CS: variants seen among roughly 807,000 people sequenced by gnomAD.
The protein encoded by CS is citrate synthase.
In CS, 13 loss-of-function variants were observed where a neutral mutation model predicts 61.4. That is an observed-to-expected ratio of 0.21 (90% CI 0.14 to 0.34). CS has a LOEUF of 0.34. CS is among the 10% of genes least tolerant of loss of function. CS has a pLI of 1.00. For missense variants in CS, 278 were observed against 573.4 expected (o/e 0.48, Z 5.26); for synonymous variants, 159 against 215.2 (o/e 0.74, Z 2.29).
rs1312661441 is a variant in CS at position 56,273,443 on chromosome 12, C to A, written c.1230+144G>T. On this transcript the variant is annotated intron_variant, in intron 10 of 10. Transcript: ENST00000351328. ...ATTCTGAAAACAGAGCAACCCCAACCCCCAACCCTCTCATAGTCAACTTTA... is the reference window on the plus strand; with the variant it reads ...ATTCTGAAAACAGAGCAACCCCAACACCCAACCCTCTCATAGTCAACTTTA... 9 of 1,001,370 alleles carry A rather than the reference C, an allele frequency of 9.0e-6. No homozygotes were observed. The East Asian group carries it at 2.1e-4, about 23-fold the overall frequency. The allele number at this position is 1,001,370 out of a possible 1,614,324, so 62.0% of individuals were successfully genotyped here.
At position 56,295,951 on chromosome 12, in the gene CS, CAAAAAAAAAAAAAAAA is replaced by C. The variant is rs71081343; in HGVS notation, c.42+4193_42+4208del. ...CCTAGGCGACAGAGCGAAACTGTCT[CAAAAAAAAAAAAAAAA>C]AAAAAAAAAAAAAAGAAGTTCTTAC... is the stretch of plus-strand genomic sequence containing the variant. On this transcript the variant is annotated intron_variant, in intron 1 of 10. Coordinates refer to ENST00000351328, the MANE Select transcript of CS (RefSeq NM_004077.3). Among the ~76,000 whole-genome samples, 34 of 40,518 alleles carry C rather than the reference CAAAAAAAAAAAAAAAA, an allele frequency of 8.4e-4. 1 individual carries two copies. The highest frequency in any genetic ancestry group is 3.3e-3 in the Admixed American group (7 of 2,132). 26.6% of individuals were successfully genotyped at this position (40,518 alleles called of 152,430 possible).
At position 56,272,061 on chromosome 12, in the gene CS, C is replaced by A; in HGVS notation, c.*1023G>T. The A allele has an allele frequency of 2.7e-6, 1 of 373,644 alleles. No homozygotes were observed. Among genetic ancestry groups the A allele is most frequent in the Middle Eastern group, 4.4e-4 (1 of 2,290 alleles). 23.1% of individuals were successfully genotyped at this position (373,644 alleles called of 1,614,324 possible). A position where few individuals can be genotyped will look rare whatever the true frequency, so the allele number is the denominator to read the frequency against. ...GGAGGGAGGCTTACTATTTTTAATG[C>A]CCTCAGCCCCAGTACCTGATAATCA... On this transcript the variant is annotated 3_prime_UTR_variant, in exon 11 of 11. Coordinates refer to ENST00000351328, the MANE Select transcript of CS (RefSeq NM_004077.3).
At chr12:56,289,591 C>T (rs530596413) in intron 1 of CS, among the ~76,000 whole-genome samples, 1 of 152,074 alleles carries the variant, frequency 6.6e-6, no homozygotes, top group Non-Finnish European at 1.5e-5. Flanking sequence ...CTACAGGCAC[C>T]CGCCACCACG....
chr12:56,273,149 GA>G lies in CS; in HGVS notation c.1335del (p.Leu446Ter). The G allele has an allele frequency of 6.2e-7, 1 of 1,613,798 alleles. No individual in the cohort carries two copies. The highest frequency in any genetic ancestry group is 8.5e-7 in the Non-Finnish European group (1 of 1,179,700). ...QLIWSRALGF[P>X]LERPKSMSTE... is the part of the protein sequence containing the mutation. The stretch of plus-strand genomic sequence containing the variant: ...GTGCTCATGGACTTGGGCCTTTCTA[GA>G]GGGAAGCCTAAGGCTCGGCTCCAGA... On this transcript the variant is annotated frameshift_variant, in exon 11 of 11. Transcript: ENST00000351328. LOFTEE classifies it high-confidence loss of function.
At chr12:56,282,816 G>A in intron 5 of CS, 44 bp downstream of exon 5, 3 of 1,609,978 alleles carry the variant, frequency 1.9e-6, no homozygotes, top group Non-Finnish European at 2.5e-6. Context: ...GAAAGGCAAT[G>A]AAGAAGGGGA....
At chr12:56,273,988 C>A in intron 9 of CS, 192 bp from the exon 10 acceptor site, 18 of 544,984 alleles carry the variant, frequency 3.3e-5, no homozygotes, top group Middle Eastern at 4.9e-4. Context: ...TGCACACCAA[C>A]ACATCTGGCT....
At chr12:56,282,321 G>T in intron 6 of CS, 99 bp downstream of exon 6, 1 of 976,436 alleles carries the variant, frequency 1.0e-6, no homozygotes, top group South Asian at 2.0e-5. Flanking sequence ...GATTAACTCA[G>T]AGGTAATTTT....
chr12:56,296,645 T>C (rs1873316249), intron 1 of CS, among the ~76,000 whole-genome samples: 1 of 152,218 alleles, frequency 6.6e-6, no homozygotes, highest in African/African-American at 2.4e-5. Context: ...CCACCAAGTC[T>C]GGTTTCCCTT....
chr12:56,285,952 A>G lies in CS; in HGVS notation c.165T>C (p.His55=). Residue 55 remains histidine, a synonymous_variant, in exon 3 of 11, where the codon CAT becomes CAC. Transcript: ENST00000351328. ...TGATTTGGCCCACCACCGTCTTGCCATGTTGCTGCCTGAAAGTCTTAATTC... is the reference window on the plus strand; with the variant it reads ...TGATTTGGCCCACCACCGTCTTGCCGTGTTGCTGCCTGAAAGTCTTAATTC... The part of the protein sequence containing the change: ...QARIKTFRQQ[H]GKTVVGQITV... 6.2e-7 allele frequency: 1 copy of G among 1,613,074 alleles called. No homozygotes were observed. Among genetic ancestry groups the G allele is most frequent in the Admixed American group, 1.7e-5 (1 of 60,014 alleles).
intron 6 of CS, among the ~76,000 whole-genome samples, chr12:56,278,505 G>A (rs549195813): frequency 6.6e-6 from 1 of 152,206 alleles, no homozygotes; most frequent in East Asian, 2.0e-4. Context: ...TTGGGAGGCT[G>A]AGGAGCGCGG....
intron 6 of CS, among the ~76,000 whole-genome samples, chr12:56,278,732 C>T (rs1168673848): frequency 5.7e-5 from 8 of 141,502 alleles, no homozygotes; most frequent in East Asian, 2.0e-4. Flanking sequence ...GACTCTGTCT[C>T]GGAAAAAAAA....
intron 1 of CS, among the ~76,000 whole-genome samples, chr12:56,297,086 T>C (rs924364520): frequency 6.6e-6 from 1 of 152,214 alleles, no homozygotes; most frequent in Non-Finnish European, 1.5e-5. Context: ...AGAAGTAATC[T>C]AGAAACATCT....
At chr12:56,274,737 G>T in intron 9 of CS, 40 bp downstream of exon 9, 1 of 1,429,490 alleles carries the variant, frequency 7.0e-7, no homozygotes, top group Non-Finnish European at 9.4e-7. Context: ...CAGAACTTGT[G>T]TCTTGGTTTC....
At chr12:56,300,081 G>T in intron 1 of CS, 79 bp downstream of exon 1, 1 of 1,431,420 alleles carries the variant, frequency 7.0e-7, no homozygotes, top group Non-Finnish European at 9.5e-7. Context: ...GGGTGTGGGA[G>T]GGAGACCCCG....
chr12:56,287,509 AAG>A (rs1565622362), intron 1 of CS, among the ~76,000 whole-genome samples: 19 of 145,500 alleles, frequency 1.3e-4, no homozygotes, highest in South Asian at 4.3e-4. Context: ...AAAAAAAAAA[AAG>A]AGAGAGAGAG....
intron 1 of CS, among the ~76,000 whole-genome samples, chr12:56,295,798 C>T (rs1206382887): frequency 6.7e-6 from 1 of 150,180 alleles, no homozygotes; most frequent in Non-Finnish European, 1.5e-5. Flanking sequence ...ACTAAAAATA[C>T]AAAAAATTAG....
intron 2 of CS, chr12:56,286,343 T>C: frequency 1.9e-6 from 1 of 537,958 alleles, no homozygotes; most frequent in Non-Finnish European, 3.3e-6. Context: ...ATGTTATGTA[T>C]ATTTTACACT....
At chr12:56,278,716 G>T (rs1872692548) in intron 6 of CS, among the ~76,000 whole-genome samples, 1 of 150,062 alleles carries the variant, frequency 6.7e-6, no homozygotes, top group Non-Finnish European at 1.5e-5. Flanking sequence ...CAGCCTGAGC[G>T]ACAGAGACTC....
rs773452542 is a variant in CS, at chr12:56,274,787, T to C, written c.1010A>G (p.Asn337Ser). 6.3e-6 allele frequency: 10 copies of C among 1,598,154 alleles called. No individual in the cohort carries two copies. In the Admixed American group the frequency reaches 1.6e-4, roughly 25 times the overall value. The change falls in exon 9 of 11, where the codon AAC becomes AGC. Residue 337 changes from asparagine (N) to serine (S), a missense_variant. Asn to Ser is a conservative substitution (Grantham distance 46). Around this residue, in one of 2 missense-constraint regions of CS, gnomAD observed 223 missense variants for 503.5 expected, o/e 0.44. Transcript: ENST00000351328. ...KLRDYIWNTL[N>S]SGRVVPGYGH... ...AGCATCTCTGCTTACCCGTCCTGAGTTGAGTGTGTTCCAGATGTAGTCTCG... is the reference window on the plus strand; with the variant it reads ...AGCATCTCTGCTTACCCGTCCTGAGCTGAGTGTGTTCCAGATGTAGTCTCG...
Sources: allele counts gnomAD v4.1 joint callset (sites outside exome capture counted in the v4.1 genomes callset), GRCh38; gene constraint gnomAD v4.1.1; regional missense constraint gnomAD v4.1.1; transcripts MANE v1.5; gene names NCBI Gene and HGNC (gene_info 2026-07-23, HGNC 2026-07-21).